Variants in CLUH observed in about 807,000 individuals in gnomAD.
CLUH encodes the protein CLUH binding protein of NUMT mRNA, also known as clustered mitochondria protein homolog.
A neutral mutation model predicts 139.3 loss-of-function variants in CLUH; 77 were observed. The ratio of observed to expected loss-of-function variants is 0.55; its 90% CI spans 0.46 to 0.67. The LOEUF (loss-of-function observed/expected upper bound fraction) is 0.67, where lower values mean the gene tolerates loss of function less well. Ranked by LOEUF, CLUH falls within the 30% of genes least tolerant of loss-of-function variation. The pLI, the probability that CLUH is intolerant of heterozygous loss-of-function variation, is 0.00. For synonymous variants in CLUH, 999 were observed against 801.6 expected (o/e 1.25, Z -4.16); for missense variants, 1,876 against 1,875.8 (o/e 1.00, Z 0.00).
At chr17:2,695,600 C>G in intron 13 of CLUH, 74 bp from the exon 14 acceptor site, 1 of 1,474,854 alleles carries the variant, frequency 6.8e-7, no homozygotes, top group Non-Finnish European at 9.0e-7. Context: ...TGGGGGAGCA[C>G]AGCTATCCTG....
Position 2,691,678 on chromosome 17 carries a change from G to C in CLUH, c.3794C>G (p.Thr1265Arg). 2 of 1,611,414 alleles carry C rather than the reference G, an allele frequency of 1.2e-6. No individual in the cohort carries two copies. Among genetic ancestry groups the C allele is most frequent in the Non-Finnish European group, 1.7e-6 (2 of 1,178,772 alleles). ...SSANIPPLKF[T>R]APSMASVLEQ... ...CAAGACGCTGGCCATGCTGGGGGCC[G>C]TGAACTGCGGGGCGGGGAAACCAGC... The change falls in exon 25 of 26, where the codon ACG becomes AGG. Residue 1265 changes from threonine (T) to arginine (R), a missense_variant. Physicochemically the swap from Thr to Arg is moderately conservative, Grantham distance 71. Coordinates refer to ENST00000651024, the MANE Select transcript of CLUH (RefSeq NM_001366661.1).
At chr17:2,694,822 T>TGCCCC in intron 16 of CLUH, 35 bp downstream of exon 16, 202 of 1,346,228 alleles carry the variant, frequency 1.5e-4, no homozygotes, top group Non-Finnish European at 1.8e-4. Flanking sequence ...ATCTGCCCAA[T>TGCCCC]CCCACCCACC....
At position 2,704,266 on chromosome 17, in the gene CLUH, A is replaced by T. The variant is rs12953041; in HGVS notation, c.303+96T>A. On this transcript the variant is annotated intron_variant, in intron 2 of 25. Coordinates refer to ENST00000651024, the MANE Select transcript of CLUH (RefSeq NM_001366661.1). This position sits in a 1 kb window ranked among gnomAD's most constrained non-coding sequence, Gnocchi z 5.7. ...GGGATCCTCAGTTTCCTGCCACAAA[A>T]TGGGGCCGGTAGGAGCACGAGCAAG... 1 of 1,312,378 alleles carries T rather than the reference A, an allele frequency of 7.6e-7. No homozygotes were observed. Among genetic ancestry groups the T allele is most frequent in the Non-Finnish European group, 1.0e-6 (1 of 960,188 alleles). 81.3% of individuals were successfully genotyped at this position (1,312,378 alleles called of 1,614,324 possible).
In CLUH at chr17:2,704,229, T is replaced by A; in HGVS notation, c.303+133A>T. The A allele has an allele frequency of 5.3e-6, 5 of 947,534 alleles. No homozygotes were observed. Among genetic ancestry groups the A allele is most frequent in the Non-Finnish European group, 7.8e-6 (5 of 641,512 alleles). 58.7% of individuals were successfully genotyped at this position (947,534 alleles called of 1,614,324 possible). ...GTCCACCACGCTAGCTGAGTGACTC[T>A]AGGGAGGGCACGGGATCCTCAGTTT... On this transcript the variant is annotated intron_variant, in intron 2 of 25. Transcript: ENST00000651024. The surrounding 1 kb of genome is among the most constrained non-coding windows in gnomAD (Gnocchi z 5.7).
At position 2,706,606 on chromosome 17, in the gene CLUH, C is replaced by T. The variant is rs1460518450; in HGVS notation, c.101-2042G>A. ...CCGCCCCAGGAAGGGCACCCCCAAT[C>T]CCCTCGCACGTGAGCAGCCCCACAC... On this transcript the variant is annotated intron_variant, in intron 1 of 25. Coordinates refer to ENST00000651024, the MANE Select transcript of CLUH (RefSeq NM_001366661.1). This position sits in a 1 kb window ranked among gnomAD's most constrained non-coding sequence, Gnocchi z 4.6. Among the ~76,000 whole-genome samples, 1 of 152,102 alleles carries T rather than the reference C, an allele frequency of 6.6e-6. No homozygotes were observed. Among genetic ancestry groups the T allele is most frequent in the Non-Finnish European group, 1.5e-5 (1 of 68,020 alleles).
Position 2,703,253 on chromosome 17 carries a change from TG to T in CLUH, c.475+64del, listed in dbSNP as rs2070243620. On this transcript the variant is annotated intron_variant, in intron 3 of 25. Transcript: ENST00000651024. This position sits in a 1 kb window ranked among gnomAD's most constrained non-coding sequence, Gnocchi z 4.2. The stretch of plus-strand genomic sequence containing the variant: ...CGTGACACAGGGACCCTGGCATGGA[TG>T]GTGCTGCCTGCCTCTGCCTCCGTGG... 21 of 1,504,604 alleles carry T rather than the reference TG, an allele frequency of 1.4e-5. No individual in the cohort carries two copies. Among genetic ancestry groups the T allele is most frequent in the Non-Finnish European group, 1.7e-5 (19 of 1,113,524 alleles). The allele number at this position is 1,504,604 out of a possible 1,614,324, so 93.2% of individuals were successfully genotyped here. A position where few individuals can be genotyped will look rare whatever the true frequency, so the allele number is the denominator to read the frequency against.
intron 25 of CLUH, among the ~76,000 whole-genome samples, chr17:2,691,311 C>T (rs963621514): frequency 3.9e-5 from 6 of 152,030 alleles, no homozygotes; most frequent in African/African-American, 1.4e-4. Flanking sequence ...CGCCTGGAAT[C>T]CCAGCACTCT....
At position 2,698,449 on chromosome 17, in the gene CLUH, C is replaced by T. The variant is rs757815512; in HGVS notation, c.1408G>A (p.Val470Ile). ...CCGAAGTCCTTGTAGTGGTCTCGGA[C>T]GTCGAAGCCCAGGCTGAAGAAGATG... ...NNIFFSLGFD[V>I]RDHYKDFGGD... Residue 470 changes from valine (V) to isoleucine (I), a missense_variant, in exon 10 of 26, where the codon GTC becomes ATC. By Grantham distance (29) the Val-to-Ile change is conservative. Around this residue, in one of 3 missense-constraint regions of CLUH, gnomAD observed 1,454 missense variants for 1,384.4 expected, o/e 1.05. Coordinates refer to ENST00000651024, the MANE Select transcript of CLUH (RefSeq NM_001366661.1). 6.2e-6 allele frequency: 10 copies of T among 1,613,216 alleles called. No individual in the cohort carries two copies. In the East Asian group the frequency reaches 1.1e-4, roughly 18 times the overall value.
Position 2,706,194 on chromosome 17 carries a change from C to T in CLUH, c.101-1630G>A, listed in dbSNP as rs569846305. Among the ~76,000 whole-genome samples the T allele has an allele frequency of 2.6e-5, 4 of 152,138 alleles. No individual in the cohort carries two copies. Among genetic ancestry groups the T allele is most frequent in the South Asian group, 2.1e-4 (1 of 4,820 alleles). On this transcript the variant is annotated intron_variant, in intron 1 of 25. Coordinates refer to ENST00000651024, the MANE Select transcript of CLUH (RefSeq NM_001366661.1). The surrounding 1 kb of genome is among the most constrained non-coding windows in gnomAD (Gnocchi z 4.6). ...TCCCAATCCGGACCCACCAGAAACA[C>T]GGAGCAGGAGCCTCAGGGAAGGGAT...
chr17:2,703,522 G>C lies in CLUH; in HGVS notation c.304-33C>G, dbSNP rs752355248. ...GAGAAGGCCCCGCCCACCCCGGTGA[G>C]AGAGCACGTAGCGGGGAGAGAAGGC... On this transcript the variant is annotated intron_variant, in intron 2 of 25. Transcript: ENST00000651024. This position sits in a 1 kb window ranked among gnomAD's most constrained non-coding sequence, Gnocchi z 4.2. 1 of 1,604,482 alleles carries C rather than the reference G, an allele frequency of 6.2e-7. No homozygotes were observed. Among genetic ancestry groups the C allele is most frequent in the Non-Finnish European group, 8.5e-7 (1 of 1,174,346 alleles).
intron 10 of CLUH, among the ~76,000 whole-genome samples, 196 bp from the exon 11 acceptor site, chr17:2,697,138 G>A (rs1462236534): frequency 2.6e-5 from 4 of 152,312 alleles, no homozygotes; most frequent in East Asian, 3.9e-4. Flanking sequence ...GGTGGCTCAC[G>A]CCTGTAATCC....
chr17:2,691,946 CCCCCGCCCCGCCACGCCCCCG>C (rs1247216296), intron 23 of CLUH, 37 bp downstream of exon 23: 11 of 1,184,204 alleles, frequency 9.3e-6, no homozygotes, highest in African/African-American at 4.0e-5. Context: ...CGCGGCCCCG[CCCCCGCCCCGCCACGCCCCCG>C]CCCCGCCCCC....
intron 9 of CLUH, among the ~76,000 whole-genome samples, chr17:2,698,863 G>A (rs1437480957): frequency 6.6e-6 from 1 of 152,130 alleles, no homozygotes; most frequent in Non-Finnish European, 1.5e-5. Flanking sequence ...GACCAATATG[G>A]TGAAACCCCA....
Position 2,696,746 on chromosome 17 carries a change from C to CT in CLUH, c.2157dup (p.Glu720ArgfsTer40). ...GTGCCGTCGTCTGCGGCGATGGTCT[C>CT]TGCCAGCTCCTTCACCTTGGCCAGG... On this transcript the variant is annotated frameshift_variant, in exon 11 of 26. Coordinates refer to ENST00000651024, the MANE Select transcript of CLUH (RefSeq NM_001366661.1). LOFTEE classifies it high-confidence loss of function. 6.2e-7 allele frequency: 1 copy of CT among 1,612,400 alleles called. No homozygotes were observed. The highest frequency in any genetic ancestry group is 8.5e-7 in the Non-Finnish European group (1 of 1,179,876).
chr17:2,702,520 A>C (rs1344695389), intron 3 of CLUH, among the ~76,000 whole-genome samples: 1 of 152,164 alleles, frequency 6.6e-6, no homozygotes, highest in East Asian at 1.9e-4. Context: ...TTTTAATGGC[A>C]GTTCTTTTGG....
At position 2,707,294 on chromosome 17, in the gene CLUH, C is replaced by CGCT. The variant is rs1209145448; in HGVS notation, c.101-2733_101-2731dup. 1 of 985,328 alleles carries CGCT rather than the reference C, an allele frequency of 1.0e-6. No individual in the cohort carries two copies. The highest frequency in any genetic ancestry group is 1.2e-6 in the Non-Finnish European group (1 of 829,934). The allele number at this position is 985,328 out of a possible 1,614,324, so 61.0% of individuals were successfully genotyped here. A position where few individuals can be genotyped will look rare whatever the true frequency, so the allele number is the denominator to read the frequency against. ...CCGGGTTCCTTGTTCCAGCCTCTGC[C>CGCT]GCTACCCTTGCCCTAATGCAGCCAG... is the stretch of plus-strand genomic sequence containing the variant. On this transcript the variant is annotated intron_variant, in intron 1 of 25. Coordinates refer to ENST00000651024, the MANE Select transcript of CLUH (RefSeq NM_001366661.1). The surrounding 1 kb of genome is among the most constrained non-coding windows in gnomAD (Gnocchi z 7.4).
At chr17:2,692,224 G>A in intron 22 of CLUH, 127 bp from the exon 23 acceptor site, 1 of 1,446,490 alleles carries the variant, frequency 6.9e-7, no homozygotes, top group African/African-American at 1.4e-5. Context: ...AGCAAGTCCA[G>A]GGCTCAGGGA....
chr17:2,695,221 TAAGTACGTCTTG>T lies in CLUH; in HGVS notation c.2592_2603del (p.Phe864_Tyr867del). ...CCGCAGAGCGGACGGGTGGCACCTG[TAAGTACGTCTTG>T]AAGATGTGCTTGGCCGAGCGGGTGA... On this transcript the variant is annotated inframe_deletion, in exon 15 of 26. Transcript: ENST00000651024. 6.2e-7 allele frequency: 1 copy of T among 1,613,922 alleles called. No homozygotes were observed. Among genetic ancestry groups the T allele is most frequent in the Non-Finnish European group, 8.5e-7 (1 of 1,179,852 alleles).
chr17:2,692,545 T>G (rs965795383), intron 21 of CLUH, 26 bp downstream of exon 21: 3 of 1,602,050 alleles, frequency 1.9e-6, no homozygotes, highest in Non-Finnish European at 1.7e-6. Flanking sequence ...GCTGGGTCCC[T>G]GCCGCCCCCC....
Sources: gnomAD v4.1 joint callset for allele counts (sites outside exome capture counted in the v4.1 genomes callset) on GRCh38, gnomAD v4.1.1 for gene constraint, gnomAD v4.1.1 regional missense constraint, Gnocchi (gnomAD v3.1) non-coding constraint, MANE v1.5 for transcripts, NCBI Gene and HGNC (gene_info 2026-07-23, HGNC 2026-07-21) for gene names.